LAMA4: variants seen among roughly 807,000 people sequenced by gnomAD.
The protein encoded by LAMA4 is laminin subunit alpha-4.
Under a neutral mutation model 207.1 loss-of-function variants are expected in LAMA4, and 127 were observed. The ratio of observed to expected loss-of-function variants is 0.61; its 90% CI spans 0.53 to 0.71. The LOEUF is 0.71. Among genes scored for constraint, LAMA4 ranks in the 30% least tolerant of loss-of-function variants. The pLI, the probability that LAMA4 is intolerant of heterozygous loss-of-function variation, is 0.00. For synonymous variants in LAMA4, 761 were observed against 816.0 expected (o/e 0.93, Z 1.15); for missense variants, 2,093 against 2,246.5 (o/e 0.93, Z 1.38).
In LAMA4 at chr6:112,212,764, T is replaced by A. The variant is rs79913212; in HGVS notation, c.297+3604A>T. On this transcript the variant is annotated intron_variant, in intron 3 of 38. Transcript: ENST00000230538. The stretch of plus-strand genomic sequence containing the variant: ...ACTTGATCTAGATACCAATTTACAG[T>A]TGCAAGAAAAACAGGAACAAGAAGT... 6.4e-3 allele frequency among the ~76,000 whole-genome samples: 976 copies of A among 152,302 alleles called. 19 individuals carry two copies. Among genetic ancestry groups the A allele is most frequent in the African/African-American group, 0.022 (929 of 41,566 alleles).
chr6:112,142,235 T>C lies in LAMA4; in HGVS notation c.2551A>G (p.Ser851Gly), dbSNP rs782213616. The change falls in exon 20 of 39, where the codon AGT becomes GGT. Residue 851 changes from serine (S) to glycine (G), a missense_variant. Coordinates refer to ENST00000230538, the MANE Select transcript of LAMA4 (RefSeq NM_001105206.3). ...GTGAAGGCCTTTAAGTCATCCATAC[T>C]GGTTCTCGAGTGCACTTCCACAGCT... is the stretch of plus-strand genomic sequence containing the variant. ...QSAVEVHSRT[S>G]MDDLKAFTSL... The C allele has an allele frequency of 6.2e-7, 1 of 1,614,138 alleles. No individual in the cohort carries two copies.
chr6:112,113,005 A>G (rs1777794717), intron 38 of LAMA4, among the ~76,000 whole-genome samples: 1 of 152,192 alleles, frequency 6.6e-6, no homozygotes, highest in South Asian at 2.1e-4. Flanking sequence ...GGTAGTTACT[A>G]GAGGCTGGGA....
intron 5 of LAMA4, among the ~76,000 whole-genome samples, chr6:112,201,064 T>A (rs114166652): frequency 0.01 from 1,563 of 151,124 alleles, 25 homozygotes; most frequent in African/African-American, 0.037. Context: ...GAAAAGAGTG[T>A]CATATGTAAA....
intron 2 of LAMA4, among the ~76,000 whole-genome samples, chr6:112,243,265 T>A (rs1472253638): frequency 4.6e-5 from 7 of 152,100 alleles, no homozygotes; most frequent in African/African-American, 1.7e-4. Context: ...CTGGAGTTGT[T>A]AGGAACCACC....
chr6:112,175,388 C>A lies in LAMA4; in HGVS notation c.1282G>T (p.Glu428Ter). 1 of 1,614,198 alleles carries A rather than the reference C, an allele frequency of 6.2e-7. No homozygotes were observed. Among genetic ancestry groups the A allele is most frequent in the Non-Finnish European group, 8.5e-7 (1 of 1,180,016 alleles). Residue 428 changes from glutamate (E) to a stop codon, truncating the protein, a stop_gained, in exon 11 of 39, where the codon GAA becomes TAA. Coordinates refer to ENST00000230538, the MANE Select transcript of LAMA4 (RefSeq NM_001105206.3). LOFTEE classifies it high-confidence loss of function. The part of the protein sequence containing the change: ...EKLVLAQKML[E>*]EIRSRQPFFT... ...AATGGTTGACGGCTTCTAATCTCTTCAAGCATCTTCTGGGCCAACACCAGC... is the reference window on the plus strand; with the variant it reads ...AATGGTTGACGGCTTCTAATCTCTTAAAGCATCTTCTGGGCCAACACCAGC...
Position 112,141,636 on chromosome 6 carries a change from G to T in LAMA4, c.2668-133C>A, listed in dbSNP as rs1441903419. 12 of 722,904 alleles carry T rather than the reference G, an allele frequency of 1.7e-5. No homozygotes were observed. The Admixed American group carries it at 2.6e-4, about 16-fold the overall frequency. The allele number at this position is 722,904 out of a possible 1,614,324, so 44.8% of individuals were successfully genotyped here. A position where few individuals can be genotyped will look rare whatever the true frequency, so the allele number is the denominator to read the frequency against. ...CTTCTGGCCTGAATTATTATCCGAA[G>T]CTCCTGTGAGCAGGCAGTGTCTCTT... On this transcript the variant is annotated intron_variant, in intron 20 of 38. Transcript: ENST00000230538.
chr6:112,220,610 G>A (rs2115079379), intron 2 of LAMA4, among the ~76,000 whole-genome samples: 1 of 152,024 alleles, frequency 6.6e-6, no homozygotes, highest in African/African-American at 2.4e-5. Flanking sequence ...TAGTTATAAT[G>A]AATTAAGATT....
chr6:112,199,062 C>A (rs1342364351), intron 5 of LAMA4, among the ~76,000 whole-genome samples: 2 of 152,208 alleles, frequency 1.3e-5, no homozygotes, highest in African/African-American at 4.8e-5. Context: ...CAAACCAGTG[C>A]TCTTGTCTGG....
chr6:112,218,050 T>C (rs1294071652), intron 2 of LAMA4: 1 of 152,200 alleles, frequency 6.6e-6, no homozygotes, highest in Admixed American at 6.5e-5. Context: ...AGTAATAATG[T>C]ACCTAAAACT....
intron 8 of LAMA4, 42 bp from the exon 9 acceptor site, chr6:112,185,389 AG>A: frequency 9.2e-7 from 1 of 1,091,448 alleles, no homozygotes; most frequent in South Asian, 1.2e-5. Context: ...TGGGCACACC[AG>A]GTTTTAAAAA....
intron 16 of LAMA4, among the ~76,000 whole-genome samples, chr6:112,153,301 G>T (rs1256362299): frequency 6.6e-6 from 1 of 152,128 alleles, no homozygotes; most frequent in Non-Finnish European, 1.5e-5. Context: ...CATCACAAAT[G>T]TGTGTATTAT....
intron 25 of LAMA4, 35 bp downstream of exon 25, chr6:112,136,087 CA>C (rs782598274): frequency 9.7e-5 from 155 of 1,599,888 alleles, no homozygotes; most frequent in Non-Finnish European, 1.7e-6. Context: ...GTATAAAGAA[CA>C]AAAACAAAAC....
rs782660070 is a variant in LAMA4, at chr6:112,254,100, C to T, written c.51G>A (p.Trp17Ter). Residue 17 changes from tryptophan to a stop codon, truncating the protein, a stop_gained, in exon 2 of 39, where the codon TGG becomes TGA. Transcript: ENST00000230538. LOFTEE classifies it high-confidence loss of function. Reference sequence around the variant, plus strand: ...ACGCGGCGCGGGAGCAGGCAGCGCTCCAGAGGAGCCACAGAGGCAGAACCG... The same window carrying T: ...ACGCGGCGCGGGAGCAGGCAGCGCTTCAGAGGAGCCACAGAGGCAGAACCG... Reference protein sequence around the residue: ...WRSVLPLWLLWSAACSRAASG... With the variant: ...WRSVLPLWLL 6.2e-7 allele frequency: 1 copy of T among 1,612,688 alleles called. No homozygotes were observed. The highest frequency in any genetic ancestry group is 1.7e-5 in the Admixed American group (1 of 59,988).
chr6:112,200,586 T>A (rs1208943341), intron 5 of LAMA4, among the ~76,000 whole-genome samples: 2 of 152,182 alleles, frequency 1.3e-5, no homozygotes, highest in Admixed American at 6.5e-5. Flanking sequence ...TGCACACATA[T>A]GTTTATTGCA....
At chr6:112,250,411 G>A (rs1250737582) in intron 2 of LAMA4, among the ~76,000 whole-genome samples, 1 of 152,198 alleles carries the variant, frequency 6.6e-6, no homozygotes, top group Non-Finnish European at 1.5e-5. Flanking sequence ...GCTTTATAGA[G>A]TTTCTTTTTA....
Position 112,141,518 on chromosome 6 carries a change from A to T in LAMA4, c.2668-15T>A, listed in dbSNP as rs782406742. The T allele has an allele frequency of 6.4e-7, 1 of 1,555,674 alleles. No individual in the cohort carries two copies. Among genetic ancestry groups the T allele is most frequent in the South Asian group, 1.1e-5 (1 of 89,848 alleles). Reference sequence around the variant, plus strand: ...TCTTTTTTGGCCTGAAATATCAAGAAGTAAGAAGTCATTTAAATAAAATTC... The same window carrying T: ...TCTTTTTTGGCCTGAAATATCAAGATGTAAGAAGTCATTTAAATAAAATTC... On this transcript the variant is annotated splice_polypyrimidine_tract_variant and intron_variant, in intron 20 of 38. Coordinates refer to ENST00000230538, the MANE Select transcript of LAMA4 (RefSeq NM_001105206.3).
chr6:112,211,778 ACAAAGTAT>A, intron 3 of LAMA4, among the ~76,000 whole-genome samples: 1 of 152,234 alleles, frequency 6.6e-6, no homozygotes, highest in Admixed American at 6.5e-5. Context: ...GAGTGAAAGA[ACAAAGTAT>A]GTTTAGGTGG....
intron 2 of LAMA4, among the ~76,000 whole-genome samples, chr6:112,252,277 A>G (rs1051906323): frequency 1.3e-5 from 2 of 152,240 alleles, no homozygotes; most frequent in Admixed American, 6.5e-5. Flanking sequence ...ACTTGGGACC[A>G]TCAGACTGAA....
At chr6:112,156,080 G>A (rs1554336913) in intron 14 of LAMA4, among the ~76,000 whole-genome samples, 2 of 152,134 alleles carry the variant, frequency 1.3e-5, no homozygotes, top group Non-Finnish European at 2.9e-5. Context: ...TTTCCTTTCT[G>A]TAGAGGAAGC....
Sources: gnomAD v4.1 joint callset for allele counts (sites outside exome capture counted in the v4.1 genomes callset) on GRCh38, gnomAD v4.1.1 for gene constraint, MANE v1.5 for transcripts, NCBI Gene and HGNC (gene_info 2026-07-23, HGNC 2026-07-21) for gene names.